ATRNL1: variants seen among roughly 807,000 people sequenced by gnomAD.
ATRNL1 encodes attractin like 1, also known as attractin-like protein 1.
Under a neutral mutation model 182.7 loss-of-function variants are expected in ATRNL1, and 95 were observed. That is an observed-to-expected ratio of 0.52 (90% CI 0.44 to 0.62). The LOEUF (loss-of-function observed/expected upper bound fraction) is 0.62. Ranked by LOEUF, ATRNL1 falls within the 20% of genes least tolerant of loss-of-function variation. The pLI, the probability that ATRNL1 is intolerant of heterozygous loss-of-function variation, is 0.00. For synonymous variants in ATRNL1, 576 were observed against 568.3 expected (o/e 1.01, Z -0.19); for missense variants, 1,471 against 1,679.5 (o/e 0.88, Z 2.17).
intron 26 of ATRNL1, among the ~76,000 whole-genome samples, chr10:115,677,404 G>T (rs1382233784): frequency 2.0e-5 from 3 of 152,006 alleles, no homozygotes; most frequent in African/African-American, 7.2e-5. Flanking sequence ...GATATGGTTT[G>T]GCTGTGCCCC....
intron 27 of ATRNL1, among the ~76,000 whole-genome samples, chr10:115,729,152 T>C (rs1947708899): frequency 6.6e-6 from 1 of 152,142 alleles, no homozygotes; most frequent in Non-Finnish European, 1.5e-5. Flanking sequence ...CAGTTGCACG[T>C]TAATAGTGTT....
intron 13 of ATRNL1, among the ~76,000 whole-genome samples, chr10:115,272,791 C>T (rs572454975): frequency 1.3e-5 from 2 of 152,242 alleles, no homozygotes; most frequent in African/African-American, 2.4e-5. Context: ...TTTTATGAAA[C>T]GAGTTGCTTG....
At chr10:115,896,613 A>G (rs1052011901) in intron 28 of ATRNL1, among the ~76,000 whole-genome samples, 3 of 152,186 alleles carry the variant, frequency 2.0e-5, no homozygotes, top group African/African-American at 7.2e-5. Context: ...AGAGATTAAA[A>G]CAATGTGGGC....
At chr10:115,875,943 G>A (rs10885823) in intron 28 of ATRNL1, among the ~76,000 whole-genome samples, 80,596 of 152,014 alleles carry the variant, frequency 0.53, 22,164 homozygotes, top group East Asian at 0.76. Flanking sequence ...CTGGGAATTA[G>A]CCAGGCAAAG....
chr10:115,124,458 A>G (rs1844876012), intron 3 of ATRNL1, among the ~76,000 whole-genome samples: 3 of 152,174 alleles, frequency 2.0e-5, no homozygotes, highest in African/African-American at 4.8e-5. Context: ...CCAGCACATC[A>G]ACATGTATCA....
intron 8 of ATRNL1, among the ~76,000 whole-genome samples, chr10:115,211,206 T>C (rs1351859120): frequency 6.6e-6 from 1 of 151,796 alleles, no homozygotes; most frequent in African/African-American, 2.4e-5. Flanking sequence ...GAAGTTCTTT[T>C]AACCATTATT....
chr10:115,293,941 C>T (rs1853049271), intron 15 of ATRNL1, among the ~76,000 whole-genome samples: 1 of 152,104 alleles, frequency 6.6e-6, no homozygotes, highest in South Asian at 2.1e-4. Flanking sequence ...TTGTAGAGGA[C>T]CTGTATAGGC....
intron 20 of ATRNL1, among the ~76,000 whole-genome samples, chr10:115,399,554 C>A (rs1844458712): frequency 6.6e-6 from 1 of 152,012 alleles, no homozygotes; most frequent in East Asian, 1.9e-4. Flanking sequence ...TGAATCTTCT[C>A]TTTTTCCTTT....
chr10:115,360,933 C>T (rs956349997), intron 19 of ATRNL1, among the ~76,000 whole-genome samples: 6 of 151,832 alleles, frequency 4.0e-5, no homozygotes, highest in African/African-American at 1.4e-4. Context: ...GGCAGGAATA[C>T]CTCTGAAGTT....
intron 24 of ATRNL1, among the ~76,000 whole-genome samples, chr10:115,471,614 C>T (rs1177183273): frequency 1.3e-5 from 2 of 151,140 alleles, no homozygotes; most frequent in African/African-American, 4.8e-5. Context: ...AGCACCATTT[C>T]ATATACCTAT....
intron 26 of ATRNL1, among the ~76,000 whole-genome samples, chr10:115,695,369 C>G (rs1946525492): frequency 6.6e-6 from 1 of 152,054 alleles, no homozygotes; most frequent in Admixed American, 6.6e-5. Context: ...GAGTTTTATT[C>G]TGAAAAGTAT....
rs183985946 is a variant in ATRNL1, at chr10:115,214,119, C to T, written c.1349-1578C>T. Among the ~76,000 whole-genome samples, 62 of 150,518 alleles carry T rather than the reference C, an allele frequency of 4.1e-4. No homozygotes were observed. In the East Asian group the frequency reaches 5.5e-3, roughly 13 times the overall value. Reference sequence around the variant, plus strand: ...AACATGTACATGTGTTTTATGTATACGAAAATATTCAGAACTGTAGTTTGA... The same window carrying T: ...AACATGTACATGTGTTTTATGTATATGAAAATATTCAGAACTGTAGTTTGA... On this transcript the variant is annotated intron_variant, in intron 8 of 28. Coordinates refer to ENST00000355044, the MANE Select transcript of ATRNL1 (RefSeq NM_207303.4).
At chr10:115,695,784 G>T (rs1555049591) in intron 26 of ATRNL1, among the ~76,000 whole-genome samples, 1 of 152,118 alleles carries the variant, frequency 6.6e-6, no homozygotes, top group African/African-American at 2.4e-5. Context: ...GTTGAAGAAT[G>T]AATGCATTGG....
chr10:115,656,876 A>C (rs1265586169), intron 26 of ATRNL1, among the ~76,000 whole-genome samples: 1 of 152,146 alleles, frequency 6.6e-6, no homozygotes, highest in Non-Finnish European at 1.5e-5. Context: ...AAATTGGGTA[A>C]ATCATTATCT....
chr10:115,328,361 GT>G (rs1554934042), intron 18 of ATRNL1, among the ~76,000 whole-genome samples: 9 of 152,074 alleles, frequency 5.9e-5, no homozygotes. Context: ...ACAGGTATAT[GT>G]TGTATAATGG....
intron 25 of ATRNL1, among the ~76,000 whole-genome samples, chr10:115,519,846 C>A (rs1850829503): frequency 6.6e-6 from 1 of 152,090 alleles, no homozygotes; most frequent in Non-Finnish European, 1.5e-5. Context: ...TGCTAATTTG[C>A]AATATGTCAT....
At chr10:115,718,902 T>C (rs1394233144) in intron 26 of ATRNL1, among the ~76,000 whole-genome samples, 2 of 152,204 alleles carry the variant, frequency 1.3e-5, no homozygotes, top group Middle Eastern at 3.2e-3. Context: ...GGTATTTTTT[T>C]TGCTGGCATG....
intron 8 of ATRNL1, among the ~76,000 whole-genome samples, chr10:115,192,353 G>C (rs886133154): frequency 6.6e-6 from 1 of 152,004 alleles, no homozygotes; most frequent in African/African-American, 2.4e-5. Flanking sequence ...TGAAGAGACT[G>C]TCCTTTCCCC....
At chr10:115,839,084 C>CT (rs1950744743) in intron 27 of ATRNL1, among the ~76,000 whole-genome samples, 1 of 152,156 alleles carries the variant, frequency 6.6e-6, no homozygotes, top group Non-Finnish European at 1.5e-5. Context: ...CAAATCTGCA[C>CT]TTTTATTCTT....
Sources: allele counts gnomAD v4.1 joint callset (sites outside exome capture counted in the v4.1 genomes callset), GRCh38; gene constraint gnomAD v4.1.1; transcripts MANE v1.5; gene names NCBI Gene and HGNC (gene_info 2026-07-23, HGNC 2026-07-21).